The following HERC4 variants were observed in gnomAD, a reference collection of about 807,000 sequenced individuals.
HERC4 encodes the protein probable E3 ubiquitin-protein ligase HERC4.
HERC4 carries 28 observed loss-of-function variants against 124.3 expected under a neutral mutation model. That is an observed-to-expected ratio of 0.23 (90% confidence interval 0.17 to 0.31). The LOEUF (loss-of-function observed/expected upper bound fraction) is 0.31, where lower values mean the gene tolerates loss of function less well. HERC4 is among the 10% of genes least tolerant of loss of function. The pLI, the probability that HERC4 is intolerant of heterozygous loss-of-function variation, is 1.00. For synonymous variants in HERC4, 407 were observed against 421.5 expected (o/e 0.97, Z 0.42); for missense variants, 713 against 1,229.3 (o/e 0.58, Z 6.28).
At chr10:68,059,036 G>A (rs1314848700) in intron 3 of HERC4, among the ~76,000 whole-genome samples, 1 of 151,980 alleles carries the variant, frequency 6.6e-6, no homozygotes, top group East Asian at 1.9e-4. Context: ...ATGCAAGTGT[G>A]TATTTTTCCT....
At chr10:68,015,647 C>T (rs2038218454) in intron 8 of HERC4, among the ~76,000 whole-genome samples, 2 of 152,270 alleles carry the variant, frequency 1.3e-5, no homozygotes, top group South Asian at 4.2e-4. Context: ...TGCTAGATTA[C>T]TACCCTCCCT....
At chr10:67,945,593 T>C (rs1026455140) in intron 19 of HERC4, among the ~76,000 whole-genome samples, 1 of 148,736 alleles carries the variant, frequency 6.7e-6, no homozygotes, top group Admixed American at 6.9e-5. Flanking sequence ...ACCCATATCT[T>C]GAGTATAAAG....
intron 9 of HERC4, among the ~76,000 whole-genome samples, chr10:68,011,136 C>T (rs900372547): frequency 1.3e-5 from 2 of 152,174 alleles, no homozygotes; most frequent in Non-Finnish European, 2.9e-5. Context: ...GATCATAGCT[C>T]ACTGTAAACC....
intron 9 of HERC4, among the ~76,000 whole-genome samples, chr10:68,004,966 G>C (rs1424983439): frequency 6.6e-6 from 1 of 152,190 alleles, no homozygotes; most frequent in African/African-American, 2.4e-5. Context: ...GAGGGGTCTA[G>C]TTTCATTCTT....
At chr10:68,055,912 C>T (rs569325670) in intron 3 of HERC4, among the ~76,000 whole-genome samples, 116 of 152,078 alleles carry the variant, frequency 7.6e-4, no homozygotes, top group African/African-American at 2.5e-3. Context: ...CCACCATGCC[C>T]GGCTAATTTT....
chr10:67,960,147 G>A (rs1403380825), intron 16 of HERC4, among the ~76,000 whole-genome samples: 1 of 152,184 alleles, frequency 6.6e-6, no homozygotes, highest in East Asian at 1.9e-4. Context: ...ACGGGAGCAG[G>A]ATGTGATTGA....
intron 16 of HERC4, chr10:67,959,215 G>A (rs936661733): frequency 7.5e-7 from 1 of 1,331,644 alleles, no homozygotes; most frequent in Non-Finnish European, 1.0e-6. Context: ...TCTATTCAAG[G>A]TAGCATTTCA....
At chr10:67,932,529 A>G in intron 23 of HERC4, 68 bp downstream of exon 23, 1 of 1,398,154 alleles carries the variant, frequency 7.2e-7, no homozygotes, top group South Asian at 1.3e-5. Flanking sequence ...AAAATAATAC[A>G]TAAAAAGGCA....
chr10:68,022,268 G>A (rs2038670599), intron 8 of HERC4, among the ~76,000 whole-genome samples: 1 of 152,124 alleles, frequency 6.6e-6, no homozygotes, highest in Non-Finnish European at 1.5e-5. Context: ...GGGAGGCCGA[G>A]GTGGGCGGAT....
intron 16 of HERC4, among the ~76,000 whole-genome samples, chr10:67,963,735 G>T (rs1444017175): frequency 6.6e-6 from 1 of 152,160 alleles, no homozygotes; most frequent in East Asian, 1.9e-4. Context: ...ACCCTGGTTG[G>T]TGTGTGAGGG....
chr10:68,012,885 T>G (rs202241159), intron 9 of HERC4, among the ~76,000 whole-genome samples: 2 of 152,212 alleles, frequency 1.3e-5, no homozygotes, highest in South Asian at 2.1e-4. Flanking sequence ...TATTTTATCT[T>G]TTATGGTGAT....
At chr10:67,962,701 T>A (rs1047245338) in intron 16 of HERC4, among the ~76,000 whole-genome samples, 1 of 152,100 alleles carries the variant, frequency 6.6e-6, no homozygotes, top group Non-Finnish European at 1.5e-5. Flanking sequence ...ATAAGGTATT[T>A]TTACAAACAA....
intron 9 of HERC4, chr10:68,010,524 A>G (rs1052634872): frequency 1.5e-5 from 14 of 947,630 alleles, no homozygotes; most frequent in Non-Finnish European, 2.2e-5. Flanking sequence ...GATCTGCTGC[A>G]GTGTGGGCTT....
rs185661373 is a variant in HERC4, at chr10:68,051,960, C to T, written c.227-7397G>A. On this transcript the variant is annotated intron_variant, in intron 3 of 24. Transcript: ENST00000373700. ...TTGAGATTACAGGCATGAGCCACCGCGCCCAGCCTCAACTTTTCTTTATGC... is the reference window on the plus strand; with the variant it reads ...TTGAGATTACAGGCATGAGCCACCGTGCCCAGCCTCAACTTTTCTTTATGC... Among the ~76,000 whole-genome samples, 248 of 151,982 alleles carry T rather than the reference C, an allele frequency of 1.6e-3. 3 individuals are homozygous for T. The highest frequency in any genetic ancestry group is 0.011 in the Admixed American group (175 of 15,252).
chr10:68,057,885 G>T (rs1358977207), intron 3 of HERC4, among the ~76,000 whole-genome samples: 1 of 151,836 alleles, frequency 6.6e-6, no homozygotes, highest in Non-Finnish European at 1.5e-5. Context: ...ATTTCTAGTA[G>T]AAATGGGATT....
At chr10:67,939,431 T>C (rs938529178) in intron 21 of HERC4, among the ~76,000 whole-genome samples, 157 bp downstream of exon 21, 1 of 152,226 alleles carries the variant, frequency 6.6e-6, no homozygotes, top group Non-Finnish European at 1.5e-5. Context: ...GAAATGCATG[T>C]ACTATGACTA....
chr10:68,014,832 CA>C (rs1355789908), intron 8 of HERC4, among the ~76,000 whole-genome samples: 1 of 152,124 alleles, frequency 6.6e-6, no homozygotes, highest in Non-Finnish European at 1.5e-5. Context: ...TCTCCTTAGG[CA>C]AGCAGGGAAG....
chr10:67,933,317 G>C (rs1376871913), intron 22 of HERC4, among the ~76,000 whole-genome samples: 1 of 152,058 alleles, frequency 6.6e-6, no homozygotes, highest in African/African-American at 2.4e-5. Context: ...TACAAGTGTA[G>C]TTTCTTTTCA....
intron 9 of HERC4, chr10:67,995,971 TA>T: frequency 3.3e-6 from 1 of 298,862 alleles, no homozygotes; most frequent in East Asian, 1.2e-4. Context: ...CCACCTGTAA[TA>T]CATACTTTTG....
Sources: allele counts gnomAD v4.1 joint callset (sites outside exome capture counted in the v4.1 genomes callset), GRCh38; gene constraint gnomAD v4.1.1; transcripts MANE v1.5; gene names NCBI Gene and HGNC (gene_info 2026-07-23, HGNC 2026-07-21).